The following CUX2 variants were observed in gnomAD, a reference collection of about 807,000 sequenced individuals.
CUX2 encodes the protein homeobox protein cut-like 2.
Under a neutral mutation model 144.8 loss-of-function variants are expected in CUX2, and 40 were observed. The ratio of observed to expected loss-of-function variants is 0.28; its 90% CI spans 0.21 to 0.36. The LOEUF (loss-of-function observed/expected upper bound fraction) is 0.36, where lower values mean the gene tolerates loss of function less well. Ranked by LOEUF, CUX2 falls within the 10% of genes least tolerant of loss-of-function variation. The pLI is 1.00. For missense variants in CUX2, 1,615 were observed against 1,994.0 expected (o/e 0.81, Z 3.62); for synonymous variants, 827 against 875.6 (o/e 0.94, Z 0.98).
chr12:111,310,478 C>T lies in CUX2; in HGVS notation c.1696C>T (p.Leu566=). 1 of 1,613,866 alleles carries T rather than the reference C, an allele frequency of 6.2e-7. No individual in the cohort carries two copies. The highest frequency in any genetic ancestry group is 1.1e-5 in the South Asian group (1 of 91,088). The part of the protein sequence containing the change: ...AEIAFQVKEQ[L]LKHNIGQRVF... ...GATCGCCTTCCAGGTGAAGGAGCAG[C>T]TGCTGAAACACAACATCGGGCAGCG... The change falls in exon 15 of 22, where the codon CTG becomes TTG. Residue 566 remains leucine, a synonymous_variant. Coordinates refer to ENST00000261726, the MANE Select transcript of CUX2 (RefSeq NM_015267.4). This position sits in a 1 kb window ranked among gnomAD's most constrained non-coding sequence, Gnocchi z 7.9.
At chr12:111,283,945 CTT>C (rs1192567356) in intron 4 of CUX2, among the ~76,000 whole-genome samples, 2 of 152,128 alleles carry the variant, frequency 1.3e-5, no homozygotes, top group Non-Finnish European at 1.5e-5. Flanking sequence ...CTGGCCGAGA[CTT>C]TGTCAGAGTC....
intron 21 of CUX2, among the ~76,000 whole-genome samples, chr12:111,345,128 T>TA (rs1055237294): frequency 6.6e-6 from 1 of 151,638 alleles, no homozygotes; most frequent in African/African-American, 2.4e-5. Context: ...TGCCATTTTT[T>TA]AAAAAAATGG....
chr12:111,279,369 T>A (rs2136312817), intron 4 of CUX2, among the ~76,000 whole-genome samples: 1 of 152,310 alleles, frequency 6.6e-6, no homozygotes, highest in South Asian at 2.1e-4. Context: ...TTGCCACATG[T>A]TATGGTTTGA....
chr12:111,064,821 A>G (rs749095754), intron 1 of CUX2, among the ~76,000 whole-genome samples: 58 of 152,194 alleles, frequency 3.8e-4, no homozygotes, highest in Non-Finnish European at 7.6e-4. Context: ...AGTCTTTTTT[A>G]CCTAATGTTG....
At chr12:111,306,283 AT>A (rs1403865188) in intron 10 of CUX2, among the ~76,000 whole-genome samples, 4 of 149,872 alleles carry the variant, frequency 2.7e-5, no homozygotes, top group African/African-American at 7.4e-5. Context: ...ATTTATCTCC[AT>A]GGAAGAAAGC....
chr12:111,215,024 C>G (rs888567688), intron 2 of CUX2, among the ~76,000 whole-genome samples: 1 of 127,736 alleles, frequency 7.8e-6, no homozygotes, highest in African/African-American at 3.8e-5. Flanking sequence ...GAAAATAAAG[C>G]CCTCTGACTC....
chr12:111,122,185 T>A (rs1222405357), intron 1 of CUX2, among the ~76,000 whole-genome samples: 1 of 152,130 alleles, frequency 6.6e-6, no homozygotes, highest in African/African-American at 2.4e-5. Context: ...TTTAAAGAAA[T>A]CTTCTCAACT....
chr12:111,331,054 G>T (rs1389884562), intron 18 of CUX2, among the ~76,000 whole-genome samples: 1 of 151,824 alleles, frequency 6.6e-6, no homozygotes, highest in Non-Finnish European at 1.5e-5. Flanking sequence ...TAGGGGCTTA[G>T]AGAGGAGCCT....
intron 3 of CUX2, among the ~76,000 whole-genome samples, chr12:111,259,933 G>A (rs1440051021): frequency 6.6e-6 from 1 of 152,010 alleles, no homozygotes; most frequent in Non-Finnish European, 1.5e-5. Context: ...AGGCCGAGGC[G>A]GGTGGATTGC....
At chr12:111,140,211 G>GA (rs1469833453) in intron 1 of CUX2, among the ~76,000 whole-genome samples, 3 of 152,104 alleles carry the variant, frequency 2.0e-5, no homozygotes, top group Non-Finnish European at 4.4e-5. Context: ...GGGTGAGCTG[G>GA]AAACCCATTT....
intron 1 of CUX2, among the ~76,000 whole-genome samples, chr12:111,054,553 A>C (rs1040229102): frequency 6.6e-6 from 1 of 152,164 alleles, no homozygotes; most frequent in Non-Finnish European, 1.5e-5. Flanking sequence ...GCACTTGCCA[A>C]GGGTGGCTTA....
intron 1 of CUX2, among the ~76,000 whole-genome samples, chr12:111,204,078 T>TC (rs942121877): frequency 1.3e-5 from 2 of 152,184 alleles, no homozygotes; most frequent in Non-Finnish European, 2.9e-5. Flanking sequence ...CAGCCTGTCG[T>TC]CCTGCCAGTC....
At position 111,110,042 on chromosome 12, in the gene CUX2, ATT is replaced by A. The variant is rs397850906; in HGVS notation, c.63+75820_63+75821del. On this transcript the variant is annotated intron_variant, in intron 1 of 21. Coordinates refer to ENST00000261726, the MANE Select transcript of CUX2 (RefSeq NM_015267.4). ...AGGTGCCCACCACCACACTCAACTA[ATT>A]TTTTTTTTTTTTTTTTTAAGTAGAG... is the stretch of plus-strand genomic sequence containing the variant. Among the ~76,000 whole-genome samples, 236 of 134,180 alleles carry A rather than the reference ATT, an allele frequency of 1.8e-3. 2 individuals carry two copies. The highest frequency in any genetic ancestry group is 5.6e-3 in the African/African-American group (206 of 36,642). The allele number at this position is 134,180 out of a possible 152,430, so 88.0% of individuals were successfully genotyped here.
intron 1 of CUX2, 23 bp from the exon 2 acceptor site, chr12:111,214,171 CTCTTTT>C: frequency 1.7e-6 from 2 of 1,176,590 alleles, no homozygotes; most frequent in African/African-American, 1.9e-5. Context: ...TTCTCTCTCT[CTCTTTT>C]TTTTTTTTTT....
At position 111,312,946 on chromosome 12, in the gene CUX2, C is replaced by T. The variant is rs1886979758; in HGVS notation, c.2002+745C>T. 6.6e-6 allele frequency among the ~76,000 whole-genome samples: 1 copy of T among 152,210 alleles called. No homozygotes were observed. Among genetic ancestry groups the T allele is most frequent in the South Asian group, 2.1e-4 (1 of 4,834 alleles). The stretch of plus-strand genomic sequence containing the variant: ...GGTTGGACACTGCACCCGCTTCCCT[C>T]CACCCCCACCACAGTGACCTGTTTG... On this transcript the variant is annotated intron_variant, in intron 16 of 21. Transcript: ENST00000261726. This position sits in a 1 kb window ranked among gnomAD's most constrained non-coding sequence, Gnocchi z 4.3.
At chr12:111,226,311 C>T (rs1408913101) in intron 3 of CUX2, among the ~76,000 whole-genome samples, 1 of 152,180 alleles carries the variant, frequency 6.6e-6, no homozygotes, top group Non-Finnish European at 1.5e-5. Context: ...CTGCCCATAA[C>T]CAAGTCTTGC....
At chr12:111,256,194 C>T (rs1326646805) in intron 3 of CUX2, among the ~76,000 whole-genome samples, 2 of 152,136 alleles carry the variant, frequency 1.3e-5, no homozygotes, top group Non-Finnish European at 2.9e-5. Flanking sequence ...ACCACAGCCC[C>T]CCTAGCTCTC....
chr12:111,221,956 T>C (rs1405320321), intron 3 of CUX2, among the ~76,000 whole-genome samples: 1 of 152,210 alleles, frequency 6.6e-6, no homozygotes, highest in East Asian at 1.9e-4. Flanking sequence ...GGTGGCTTAA[T>C]GGAGACAGCT....
intron 3 of CUX2, among the ~76,000 whole-genome samples, chr12:111,236,791 G>A (rs1882773514): frequency 6.6e-6 from 1 of 152,238 alleles, no homozygotes; most frequent in African/African-American, 2.4e-5. Context: ...TTATCAATCT[G>A]CGTTTTAGTA....
Sources: allele counts gnomAD v4.1 joint callset (sites outside exome capture counted in the v4.1 genomes callset), GRCh38; gene constraint gnomAD v4.1.1; non-coding constraint Gnocchi (gnomAD v3.1); transcripts MANE v1.5; gene names NCBI Gene and HGNC (gene_info 2026-07-23, HGNC 2026-07-21).